KIAA0232: variants seen among roughly 807,000 people sequenced by gnomAD.
KIAA0232 encodes uncharacterized protein KIAA0232.
Under a neutral mutation model 122.0 loss-of-function variants are expected in KIAA0232, and 27 were observed. The ratio of observed to expected loss-of-function variants is 0.22; its 90% confidence interval spans 0.16 to 0.31. KIAA0232 has a LOEUF of 0.31. Among genes scored for constraint, KIAA0232 ranks in the 10% least tolerant of loss-of-function variants. KIAA0232 has a pLI of 1.00. For missense variants in KIAA0232, 1,551 were observed against 1,634.2 expected (o/e 0.95, Z 0.88); for synonymous variants, 613 against 587.6 (o/e 1.04, Z -0.63).
intron 4 of KIAA0232, among the ~76,000 whole-genome samples, chr4:6,844,081 A>T (rs959027504): frequency 6.6e-6 from 1 of 151,222 alleles, no homozygotes; most frequent in Non-Finnish European, 1.5e-5. Context: ...CTGGGACTAC[A>T]GGCGCCCGCC....
At chr4:6,808,081 G>A (rs1308921726) in intron 2 of KIAA0232, among the ~76,000 whole-genome samples, 1 of 148,988 alleles carries the variant, frequency 6.7e-6, no homozygotes, top group Non-Finnish European at 1.5e-5. Context: ...AAAGAAAAAA[G>A]AAAATAACAG....
At chr4:6,815,349 A>G (rs1718070763) in intron 2 of KIAA0232, among the ~76,000 whole-genome samples, 2 of 152,192 alleles carry the variant, frequency 1.3e-5, no homozygotes, top group Admixed American at 6.5e-5. Context: ...TAATTCGTGA[A>G]CCAACATACC....
Position 6,880,938 on chromosome 4 carries a change from A to T in KIAA0232, c.4160A>T (p.Glu1387Val). The T allele has an allele frequency of 6.4e-7, 1 of 1,573,898 alleles. No individual in the cohort carries two copies. Among genetic ancestry groups the T allele is most frequent in the Non-Finnish European group, 8.6e-7 (1 of 1,159,394 alleles). Residue 1387 changes from glutamate to valine, a missense_variant, in exon 10 of 10, where the codon GAG becomes GTG. Physicochemically the swap from Glu to Val is moderately radical, Grantham distance 121. This residue lies in a region of KIAA0232 where 1,108 missense variants were observed against 1,154.8 expected (regional missense o/e 0.96). Coordinates refer to ENST00000307659, the MANE Select transcript of KIAA0232 (RefSeq NM_014743.3). ...GGGEWVGPSE[E>V]ELFSRTHL The stretch of plus-strand genomic sequence containing the variant: ...GGCGAGTGGGTGGGCCCTAGTGAAG[A>T]GGAGCTCTTTTCTCGAACTCATCTC...
At chr4:6,790,818 T>G (rs1240149794) in intron 1 of KIAA0232, among the ~76,000 whole-genome samples, 1 of 152,166 alleles carries the variant, frequency 6.6e-6, no homozygotes. Flanking sequence ...TGCCACTGCT[T>G]TCTTTGGTTA....
intron 4 of KIAA0232, among the ~76,000 whole-genome samples, chr4:6,848,113 G>A (rs1271197984): frequency 6.6e-6 from 1 of 152,160 alleles, no homozygotes; most frequent in African/African-American, 2.4e-5. Flanking sequence ...TATTTAAAGA[G>A]CCTTAGAGGA....
chr4:6,863,325 T>C lies in KIAA0232; in HGVS notation c.2943T>C (p.Ser981=). 6.2e-7 allele frequency: 1 copy of C among 1,614,072 alleles called. No individual in the cohort carries two copies. The highest frequency in any genetic ancestry group is 8.5e-7 in the Non-Finnish European group (1 of 1,180,010). The change falls in exon 7 of 10, where the codon AGT becomes AGC. Residue 981 remains serine, a synonymous_variant. Coordinates refer to ENST00000307659, the MANE Select transcript of KIAA0232 (RefSeq NM_014743.3). ...GTDVFMTPGN[S]FAPGHRQLWK... Reference sequence around the variant, plus strand: ...ATGTCTTTATGACCCCAGGAAACAGTTTTGCTCCTGGGCACAGGCAGTTAT... The same window carrying C: ...ATGTCTTTATGACCCCAGGAAACAGCTTTGCTCCTGGGCACAGGCAGTTAT...
intron 1 of KIAA0232, among the ~76,000 whole-genome samples, chr4:6,789,745 T>C (rs1257424470): frequency 6.6e-6 from 1 of 152,120 alleles, no homozygotes; most frequent in East Asian, 1.9e-4. Flanking sequence ...GTCTGGAAAA[T>C]TGGCCAGGCA....
chr4:6,880,059 AGG>A (rs1308561890), intron 9 of KIAA0232, among the ~76,000 whole-genome samples: 2 of 22,842 alleles, frequency 8.8e-5, no homozygotes, highest in Admixed American at 3.0e-4. Context: ...CCCAACACAG[AGG>A]TCTGCAGTGT....
Position 6,871,613 on chromosome 4 carries a change from A to G in KIAA0232, c.3841A>G (p.Ser1281Gly). ...CACTGATATACAAGGAATGAATAGA[A>G]GTCAAGAAAAACAGACCTGGTGGGA... is the stretch of plus-strand genomic sequence containing the variant. ...LNTDIQGMNR[S>G]QEKQTWWEKA... The change falls in exon 8 of 10, where the codon AGT (serine) becomes GGT (glycine). Residue 1281 changes from serine (S) to glycine (G), a missense_variant. Ser to Gly is a moderately conservative substitution (Grantham distance 56, BLOSUM62 0). Around this residue, in one of 5 missense-constraint regions of KIAA0232, gnomAD observed 1,108 missense variants for 1,154.8 expected, o/e 0.96. Coordinates refer to ENST00000307659, the MANE Select transcript of KIAA0232 (RefSeq NM_014743.3). The G allele has an allele frequency of 1.9e-6, 3 of 1,612,332 alleles. No individual in the cohort carries two copies. The highest frequency in any genetic ancestry group is 2.5e-6 in the Non-Finnish European group (3 of 1,178,324).
At chr4:6,800,043 CTTTTTTTTTTTTTTTTTTTTTTT>C (rs752428517) in intron 1 of KIAA0232, among the ~76,000 whole-genome samples, 22,888 of 62,208 alleles carry the variant, frequency 0.37, 3,265 homozygotes, top group Admixed American at 0.55. Context: ...TTCTTTCTTT[CTTTTTTTTTTTTTTTTTTTTTTT>C]TTTTTTTTTG....
chr4:6,865,469 A>G (rs560122220), intron 7 of KIAA0232, among the ~76,000 whole-genome samples: 217 of 152,138 alleles, frequency 1.4e-3, no homozygotes, highest in African/African-American at 5.0e-3. Flanking sequence ...CCGGCTAATT[A>G]TTTGTATTTT....
At chr4:6,813,309 T>G (rs2108983035) in intron 2 of KIAA0232, among the ~76,000 whole-genome samples, 1 of 152,202 alleles carries the variant, frequency 6.6e-6, no homozygotes, top group East Asian at 1.9e-4. Flanking sequence ...GTCTACTTCT[T>G]GGAAAGTATT....
At chr4:6,783,784 C>T (rs1214359376) in intron 1 of KIAA0232, among the ~76,000 whole-genome samples, 5 of 152,146 alleles carry the variant, frequency 3.3e-5, no homozygotes, top group African/African-American at 7.2e-5. Context: ...CCACAGTCAT[C>T]CGTGCGCTGC....
intron 7 of KIAA0232, among the ~76,000 whole-genome samples, chr4:6,864,971 C>T (rs1031290619): frequency 2.6e-5 from 4 of 152,126 alleles, no homozygotes; most frequent in Non-Finnish European, 5.9e-5. Context: ...TGTAGAAATT[C>T]ACCCACAGCC....
chr4:6,815,496 T>TTG (rs1718077212), intron 2 of KIAA0232, among the ~76,000 whole-genome samples: 1 of 152,132 alleles, frequency 6.6e-6, no homozygotes, highest in South Asian at 2.1e-4. Context: ...TGCTAACAGT[T>TTG]TGAGTTAAAG....
chr4:6,813,791 G>A (rs1014056849), intron 2 of KIAA0232, among the ~76,000 whole-genome samples: 3 of 152,036 alleles, frequency 2.0e-5, no homozygotes, highest in African/African-American at 4.8e-5. Flanking sequence ...CCCTGGGCTG[G>A]TTATAAACTC....
chr4:6,867,261 C>G (rs76412263), intron 7 of KIAA0232, among the ~76,000 whole-genome samples: 3 of 152,138 alleles, frequency 2.0e-5, no homozygotes, highest in East Asian at 3.8e-4. Flanking sequence ...GCAGGAGAAC[C>G]CTTCCAGCCT....
intron 1 of KIAA0232, among the ~76,000 whole-genome samples, chr4:6,789,153 A>G (rs1288569617): frequency 1.3e-5 from 2 of 151,572 alleles, no homozygotes; most frequent in Admixed American, 6.6e-5. Flanking sequence ...TTGTATTTTT[A>G]GTAGAGACTG....
At chr4:6,785,961 A>G (rs774167638) in intron 1 of KIAA0232, among the ~76,000 whole-genome samples, 8 of 152,320 alleles carry the variant, frequency 5.3e-5, no homozygotes, top group Middle Eastern at 3.4e-3. Flanking sequence ...CCAGTTCTTA[A>G]AAGTTCATAT....
Sources: gnomAD v4.1 joint callset for allele counts (sites outside exome capture counted in the v4.1 genomes callset) on GRCh38, gnomAD v4.1.1 for gene constraint, gnomAD v4.1.1 regional missense constraint, MANE v1.5 for transcripts, NCBI Gene and HGNC (gene_info 2026-07-23, HGNC 2026-07-21) for gene names.